SH3RF3: variants seen among roughly 807,000 people sequenced by gnomAD.
SH3RF3 encodes the protein SH3 domain containing ring finger 3, also known as E3 ubiquitin-protein ligase SH3RF3.
In SH3RF3, 29 loss-of-function variants were observed where a neutral mutation model predicts 66.3. That is an observed-to-expected ratio of 0.44 (90% CI 0.33 to 0.60). The LOEUF (loss-of-function observed/expected upper bound fraction) is 0.60, where lower values mean the gene tolerates loss of function less well. Among genes scored for constraint, SH3RF3 ranks in the 20% least tolerant of loss-of-function variants. SH3RF3 has a pLI of 0.04. For missense variants in SH3RF3, 1,194 were observed against 1,190.9 expected (o/e 1.00, Z -0.04); for synonymous variants, 583 against 532.0 (o/e 1.10, Z -1.32).
chr2:109,217,387 C>A (rs984093391), intron 1 of SH3RF3, among the ~76,000 whole-genome samples: 3 of 152,218 alleles, frequency 2.0e-5, no homozygotes, highest in Admixed American at 6.5e-5. Flanking sequence ...GTCAAATTCC[C>A]ATCTGAACAT....
chr2:109,129,693 G>C lies in SH3RF3; in HGVS notation c.153G>C (p.Leu51=). The C allele has an allele frequency of 6.5e-7, 1 of 1,530,274 alleles. No individual in the cohort carries two copies. Among genetic ancestry groups the C allele is most frequent in the Non-Finnish European group, 8.7e-7 (1 of 1,143,050 alleles). The allele number at this position is 1,530,274 out of a possible 1,614,324, so 94.8% of individuals were successfully genotyped here. Residue 51 remains leucine, a synonymous_variant, in exon 1 of 10, where the codon CTG becomes CTC. Transcript: ENST00000309415. ...GCGAGGACATGGACGAGTCGTCGCTGCTGGACCTGCTGGAGTGCTCCGTGT... is the reference window on the plus strand; with the variant it reads ...GCGAGGACATGGACGAGTCGTCGCTCCTGGACCTGCTGGAGTGCTCCGTGT... The part of the protein sequence containing the change: ...GAGEDMDESS[L]LDLLECSVCL...
At chr2:109,498,229 G>A (rs185881561) in intron 9 of SH3RF3, among the ~76,000 whole-genome samples, 249 of 152,262 alleles carry the variant, frequency 1.6e-3, no homozygotes, top group Non-Finnish European at 2.8e-3. Flanking sequence ...TCCAACCATC[G>A]TGCACCCGTA....
intron 1 of SH3RF3, among the ~76,000 whole-genome samples, chr2:109,267,228 A>C (rs1478295833): frequency 6.6e-6 from 1 of 152,092 alleles, no homozygotes; most frequent in African/African-American, 2.4e-5. Context: ...TCCTCTGAAT[A>C]GGAAGTGCAT....
chr2:109,458,633 G>GGA lies in SH3RF3; in HGVS notation c.2148+9146_2148+9147dup, dbSNP rs1248169186. On this transcript the variant is annotated intron_variant, in intron 8 of 9. Coordinates refer to ENST00000309415, the MANE Select transcript of SH3RF3 (RefSeq NM_001099289.3). ...TTATTTTAAGGAATTATGTGACTGT[G>GGA]GAGGCTGGCAAGCCTGAATTCTGTG... is the stretch of plus-strand genomic sequence containing the variant. Among the ~76,000 whole-genome samples, 15 of 104,526 alleles carry GGA rather than the reference G, an allele frequency of 1.4e-4. No individual in the cohort carries two copies. In the South Asian group the frequency reaches 4.4e-3, roughly 30 times the overall value. 68.6% of individuals were successfully genotyped at this position (104,526 alleles called of 152,430 possible).
At chr2:109,213,966 C>T (rs796509778) in intron 1 of SH3RF3, among the ~76,000 whole-genome samples, 2 of 152,324 alleles carry the variant, frequency 1.3e-5, no homozygotes, top group African/African-American at 4.8e-5. Flanking sequence ...GGAGCAGTCC[C>T]TGCAAAAGAC....
rs1467462363 is a variant in SH3RF3 at position 109,338,028 on chromosome 2, A to C, written c.574-9646A>C. On this transcript the variant is annotated intron_variant, in intron 1 of 9. Transcript: ENST00000309415. ...ATTACAGGCGTGAGCCACCGCGCCC[A>C]GGCTCCTTCTGTTTTTGATGGAGCT... 3.9e-5 allele frequency among the ~76,000 whole-genome samples: 6 copies of C among 152,024 alleles called. No individual in the cohort carries two copies. In the East Asian group the frequency reaches 1.2e-3, roughly 29 times the overall value.
intron 1 of SH3RF3, among the ~76,000 whole-genome samples, chr2:109,316,960 T>C (rs1053464126): frequency 2.0e-5 from 3 of 152,194 alleles, no homozygotes; most frequent in Admixed American, 2.0e-4. Context: ...GGTTCCTCCA[T>C]GTCTTTTCAT....
At chr2:109,218,380 C>T (rs1008451288) in intron 1 of SH3RF3, among the ~76,000 whole-genome samples, 1 of 152,156 alleles carries the variant, frequency 6.6e-6, no homozygotes, top group Non-Finnish European at 1.5e-5. Context: ...TTCTGAGTTG[C>T]TGGATGAAAT....
At chr2:109,390,056 C>T (rs1012791920) in intron 3 of SH3RF3, among the ~76,000 whole-genome samples, 1 of 152,146 alleles carries the variant, frequency 6.6e-6, no homozygotes, top group Non-Finnish European at 1.5e-5. Context: ...CAGAAATCCA[C>T]GTGCAGCACA....
At chr2:109,132,875 C>G (rs745581888) in intron 1 of SH3RF3, among the ~76,000 whole-genome samples, 1 of 152,160 alleles carries the variant, frequency 6.6e-6, no homozygotes, top group African/African-American at 2.4e-5. Context: ...TTTTGTGGTT[C>G]CACATTGAGT....
intron 5 of SH3RF3, 79 bp from the exon 6 acceptor site, chr2:109,432,422 A>G (rs1465219176): frequency 1.9e-6 from 3 of 1,558,178 alleles, no homozygotes; most frequent in African/African-American, 1.4e-5. Context: ...TCCAAAGACA[A>G]CCTCCCCCCA....
chr2:109,264,575 A>G (rs1352496746), intron 1 of SH3RF3, among the ~76,000 whole-genome samples: 1 of 152,274 alleles, frequency 6.6e-6, no homozygotes, highest in Non-Finnish European at 1.5e-5. Flanking sequence ...ATCTCAAGGC[A>G]CGATTTAAAA....
intron 1 of SH3RF3, among the ~76,000 whole-genome samples, chr2:109,240,666 A>T (rs1679756140): frequency 6.6e-6 from 1 of 152,046 alleles, no homozygotes; most frequent in African/African-American, 2.4e-5. Context: ...ATTTCACACG[A>T]ACCAGAGAGG....
At chr2:109,204,207 T>G (rs1054859835) in intron 1 of SH3RF3, among the ~76,000 whole-genome samples, 3 of 152,240 alleles carry the variant, frequency 2.0e-5, no homozygotes, top group Non-Finnish European at 4.4e-5. Context: ...TTTATCTGTC[T>G]GTATGTCTGT....
chr2:109,226,208 A>G (rs780548150), intron 1 of SH3RF3, among the ~76,000 whole-genome samples: 2 of 152,210 alleles, frequency 1.3e-5, no homozygotes, highest in Non-Finnish European at 2.9e-5. Flanking sequence ...GCTTGTCAAC[A>G]TCTGCAGAAG....
chr2:109,239,641 G>A (rs1052860129), intron 1 of SH3RF3, among the ~76,000 whole-genome samples: 2 of 152,188 alleles, frequency 1.3e-5, no homozygotes, highest in Non-Finnish European at 2.9e-5. Flanking sequence ...GGAGGAAAGA[G>A]AGGCCGATGA....
At chr2:109,183,582 C>T (rs192993960) in intron 1 of SH3RF3, among the ~76,000 whole-genome samples, 1 of 133,298 alleles carries the variant, frequency 7.5e-6, no homozygotes, top group Admixed American at 8.1e-5. Flanking sequence ...ACAATTCAGC[C>T]TTAACTTTTA....
intron 1 of SH3RF3, among the ~76,000 whole-genome samples, chr2:109,195,436 T>C (rs757440390): frequency 1.3e-5 from 2 of 152,260 alleles, no homozygotes; most frequent in African/African-American, 4.8e-5. Flanking sequence ...CACTCATGCC[T>C]GAGTGTCAAC....
intron 2 of SH3RF3, among the ~76,000 whole-genome samples, chr2:109,370,618 C>T (rs1439148618): frequency 6.6e-6 from 1 of 152,084 alleles, no homozygotes; most frequent in Non-Finnish European, 1.5e-5. Context: ...ACTGTGAGTC[C>T]CCATCTCTCC....
Sources: gnomAD v4.1 joint callset for allele counts (sites outside exome capture counted in the v4.1 genomes callset) on GRCh38, gnomAD v4.1.1 for gene constraint, MANE v1.5 for transcripts, NCBI Gene and HGNC (gene_info 2026-07-23, HGNC 2026-07-21) for gene names.